SNX24: variants seen among roughly 807,000 people sequenced by gnomAD.
SNX24 encodes the protein sorting nexin 24.
In SNX24, 22 loss-of-function variants were observed where a neutral mutation model predicts 28.7. The ratio of observed to expected loss-of-function variants is 0.77; its 90% CI spans 0.55 to 1.10. The LOEUF is 1.10. Ranked by LOEUF, SNX24 falls within the 50% of genes least tolerant of loss-of-function variation. The probability of loss-of-function intolerance (pLI) is 0.00; values close to 1 mark genes in which losing one functional copy is unlikely to be tolerated. For synonymous variants in SNX24, 69 were observed against 71.5 expected, an observed-to-expected ratio of 0.96 and a Z score of 0.18; for missense variants, 221 against 201.1, an observed-to-expected ratio of 1.10 and a Z score of -0.60.
chr5:122,880,725 G>A (rs752562501), intron 1 of SNX24, among the ~76,000 whole-genome samples: 18 of 152,180 alleles, frequency 1.2e-4, no homozygotes, highest in Non-Finnish European at 2.6e-4. Context: ...GATAAAGGGG[G>A]CAAAATAATA....
At chr5:122,882,375 G>T (rs1224190071) in intron 1 of SNX24, among the ~76,000 whole-genome samples, 1 of 152,190 alleles carries the variant, frequency 6.6e-6, no homozygotes, top group Non-Finnish European at 1.5e-5. Flanking sequence ...GTGATTTAGA[G>T]TATATGGTAG....
intron 5 of SNX24, among the ~76,000 whole-genome samples, chr5:123,018,479 G>A (rs1005938895): frequency 2.0e-5 from 3 of 152,176 alleles, no homozygotes; most frequent in Non-Finnish European, 2.9e-5. Context: ...GGCGGCTGTA[G>A]TTTTAACAGC....
At chr5:122,900,260 G>A (rs1757377046) in intron 1 of SNX24, among the ~76,000 whole-genome samples, 1 of 151,876 alleles carries the variant, frequency 6.6e-6, no homozygotes, top group Non-Finnish European at 1.5e-5. Context: ...CATATACAGT[G>A]TGAAATGATT....
At chr5:122,903,630 G>C (rs898730051) in intron 1 of SNX24, among the ~76,000 whole-genome samples, 4 of 152,200 alleles carry the variant, frequency 2.6e-5, no homozygotes, top group African/African-American at 7.2e-5. Context: ...GTTGAATGGA[G>C]TTTTAAAATC....
chr5:122,901,173 C>T (rs1374851561), intron 1 of SNX24, among the ~76,000 whole-genome samples: 1 of 150,454 alleles, frequency 6.6e-6, no homozygotes, highest in Admixed American at 6.6e-5. Context: ...TGCACTCCAG[C>T]CTGGGTGACA....
intron 3 of SNX24, among the ~76,000 whole-genome samples, chr5:122,978,790 T>C (rs1421394307): frequency 6.6e-6 from 1 of 152,164 alleles, no homozygotes; most frequent in Admixed American, 6.5e-5. Flanking sequence ...CATGAATACA[T>C]TGAAAACCAA....
chr5:122,883,557 A>G (rs770366666), intron 1 of SNX24, among the ~76,000 whole-genome samples: 4 of 152,160 alleles, frequency 2.6e-5, no homozygotes, highest in Non-Finnish European at 4.4e-5. Flanking sequence ...TAATGTCTGC[A>G]TTACCTTAAG....
chr5:122,897,714 T>A (rs1757263888), intron 1 of SNX24, among the ~76,000 whole-genome samples: 1 of 152,246 alleles, frequency 6.6e-6, no homozygotes. Context: ...TTTTAGGTCC[T>A]CTATACATTT....
At chr5:123,023,313 T>A (rs528160347) in intron 5 of SNX24, 2 of 152,394 alleles carry the variant, frequency 1.3e-5, no homozygotes, top group East Asian at 3.9e-4. Flanking sequence ...TCACTGTTAA[T>A]GCTAGAGTGT....
chr5:122,963,913 C>CA (rs1244471929), intron 3 of SNX24, among the ~76,000 whole-genome samples: 1 of 151,994 alleles, frequency 6.6e-6, no homozygotes, highest in Non-Finnish European at 1.5e-5. Flanking sequence ...GGAAAACAAA[C>CA]AACAAAAATA....
chr5:122,929,983 A>T (rs1312843935), intron 1 of SNX24, among the ~76,000 whole-genome samples: 1 of 152,032 alleles, frequency 6.6e-6, no homozygotes, highest in Non-Finnish European at 1.5e-5. Flanking sequence ...CCCTTGGTGG[A>T]AGATTTGACT....
intron 3 of SNX24, among the ~76,000 whole-genome samples, chr5:122,947,272 A>G (rs1405384700): frequency 6.6e-6 from 1 of 151,952 alleles, no homozygotes; most frequent in African/African-American, 2.4e-5. Flanking sequence ...CTAGTATGCC[A>G]TTTCTTCTAC....
In SNX24 at chr5:122,999,972, C is replaced by T. The variant is rs1415404316; in HGVS notation, c.310C>T (p.His104Tyr). ...KLFLDFLNVRHLPSLPKAESC... is the reference protein window; with the variant it reads ...KLFLDFLNVRYLPSLPKAESC... ...GTTTCTTGATTTCCTAAATGTGCGA[C>T]ACTTGCCCTCTCTACCAAAGGCAGA... Residue 104 changes from histidine to tyrosine, a missense_variant, in exon 4 of 7, where the codon CAC becomes TAC. Transcript: ENST00000261369. 6.2e-7 allele frequency: 1 copy of T among 1,612,744 alleles called. No individual in the cohort carries two copies. Among genetic ancestry groups the T allele is most frequent in the Non-Finnish European group, 8.5e-7 (1 of 1,178,728 alleles).
At chr5:123,001,876 T>G in intron 5 of SNX24, 64 bp from the exon 6 acceptor site, 1 of 1,363,384 alleles carries the variant, frequency 7.3e-7, no homozygotes, top group Non-Finnish European at 1.1e-6. Flanking sequence ...TCAAAGCTAG[T>G]TTGTAGTGTT....
intron 3 of SNX24, among the ~76,000 whole-genome samples, chr5:122,977,331 A>ACCCCCCCCCCCCC (rs1761205811): frequency 2.1e-5 from 2 of 95,636 alleles, no homozygotes; most frequent in Admixed American, 1.1e-4. Flanking sequence ...GCTCCAACCC[A>ACCCCCCCCCCCCC]CCCCCACCCC....
intron 1 of SNX24, chr5:122,853,542 A>G: frequency 4.0e-6 from 1 of 252,328 alleles, no homozygotes; most frequent in Non-Finnish European, 8.3e-6. Flanking sequence ...AGAGGATTGA[A>G]TTTTGGAAAT....
intron 5 of SNX24, chr5:123,024,093 A>G (rs987809788): frequency 8.8e-6 from 13 of 1,475,032 alleles, no homozygotes; most frequent in Admixed American, 4.3e-5. Flanking sequence ...CAAAAGCCCA[A>G]GTGGGAAGGA....
At chr5:122,999,827 G>T in intron 3 of SNX24, 85 bp from the exon 4 acceptor site, 1 of 831,624 alleles carries the variant, frequency 1.2e-6, no homozygotes. Context: ...TTTGATGGAC[G>T]GTTATGACTT....
rs35468905 is a variant in SNX24, at chr5:122,857,412, C to CT, written c.60+11731dup. 4.4e-3 allele frequency among the ~76,000 whole-genome samples: 642 copies of CT among 145,880 alleles called. 4 individuals carry two copies. The highest frequency in any genetic ancestry group is 0.014 in the African/African-American group (555 of 39,998). On this transcript the variant is annotated intron_variant, in intron 1 of 6. Coordinates refer to ENST00000261369, the MANE Select transcript of SNX24 (RefSeq NM_014035.4). The stretch of plus-strand genomic sequence containing the variant: ...CATCATTTATTTATTTATTTGTTAA[C>CT]TTTTTTTTTTTTAGGTTCAGAGGTA...
Sources: gnomAD v4.1 joint callset for allele counts (sites outside exome capture counted in the v4.1 genomes callset) on GRCh38, gnomAD v4.1.1 for gene constraint, MANE v1.5 for transcripts, NCBI Gene and HGNC (gene_info 2026-07-23, HGNC 2026-07-21) for gene names.